The following WWOX variants were observed in gnomAD, a reference collection of about 807,000 sequenced individuals.
The protein encoded by WWOX is WW domain containing oxidoreductase.
In WWOX, 69 loss-of-function variants were observed where a neutral mutation model predicts 46.2. That is an observed-to-expected ratio of 1.49 (90% CI 1.23 to 1.82). The LOEUF is 1.82. Among genes scored for constraint, WWOX ranks in the 40% most tolerant of loss-of-function variants. WWOX has a pLI of 0.00. For synonymous variants in WWOX, 359 were observed against 202.6 expected, an observed-to-expected ratio of 1.77 and a Z score of -6.56; for missense variants, 919 against 542.6, an observed-to-expected ratio of 1.69 and a Z score of -6.89.
At chr16:78,118,756 T>G (rs1216719371) in intron 4 of WWOX, among the ~76,000 whole-genome samples, 1 of 152,144 alleles carries the variant, frequency 6.6e-6, no homozygotes, top group Non-Finnish European at 1.5e-5. Context: ...ACCCTAACAT[T>G]CTCTAAATTA....
intron 8 of WWOX, among the ~76,000 whole-genome samples, chr16:78,446,490 G>A (rs1691743881): frequency 6.6e-6 from 1 of 151,942 alleles, no homozygotes; most frequent in Admixed American, 6.6e-5. Flanking sequence ...TCACATCCCA[G>A]GAACTCCGTA....
At chr16:79,145,513 T>C (rs1043224066) in intron 8 of WWOX, among the ~76,000 whole-genome samples, 14 of 152,190 alleles carry the variant, frequency 9.2e-5, no homozygotes, top group African/African-American at 3.1e-4. Context: ...ACAAATATTA[T>C]TCCAAACTGT....
intron 8 of WWOX, among the ~76,000 whole-genome samples, chr16:78,884,658 A>G (rs2044415679): frequency 6.6e-6 from 1 of 152,194 alleles, no homozygotes; most frequent in South Asian, 2.1e-4. Flanking sequence ...TTCCTATTAG[A>G]AGTCAGGGTA....
intron 8 of WWOX, chr16:79,203,596 A>C (rs1052820850): frequency 6.6e-6 from 1 of 151,928 alleles, no homozygotes; most frequent in Non-Finnish European, 1.5e-5. Flanking sequence ...ATCTAAACAA[A>C]CAGCTTGTTT....
At chr16:78,889,515 A>G (rs1567628893) in intron 8 of WWOX, among the ~76,000 whole-genome samples, 1 of 151,998 alleles carries the variant, frequency 6.6e-6, no homozygotes, top group Non-Finnish European at 1.5e-5. Flanking sequence ...AATATAATGT[A>G]TTTTAGTGCT....
intron 8 of WWOX, among the ~76,000 whole-genome samples, chr16:78,766,961 C>G (rs567825240): frequency 9.6e-4 from 146 of 152,276 alleles, no homozygotes; most frequent in Non-Finnish European, 1.2e-3. Context: ...CTTGTGGTCT[C>G]TGGTAACCCC....
At chr16:79,107,031 G>A (rs976095445) in intron 8 of WWOX, among the ~76,000 whole-genome samples, 10 of 151,916 alleles carry the variant, frequency 6.6e-5, no homozygotes, top group South Asian at 4.2e-4. Context: ...GGCTGGTCTC[G>A]ATCTCCTGAC....
intron 8 of WWOX, among the ~76,000 whole-genome samples, chr16:78,678,362 C>A (rs543322714): frequency 6.6e-6 from 1 of 152,220 alleles, no homozygotes; most frequent in South Asian, 2.1e-4. Context: ...GGCAACAGAG[C>A]GAGACCTTCT....
intron 8 of WWOX, among the ~76,000 whole-genome samples, chr16:78,627,562 G>C (rs1199670118): frequency 3.3e-5 from 5 of 152,106 alleles, no homozygotes; most frequent in Admixed American, 6.5e-5. Flanking sequence ...GGAAATCTTT[G>C]TAAAATCACA....
At chr16:78,405,045 C>T (rs918356783) in intron 6 of WWOX, among the ~76,000 whole-genome samples, 15 of 152,132 alleles carry the variant, frequency 9.9e-5, no homozygotes, top group African/African-American at 3.6e-4. Context: ...TATTTACAAT[C>T]AATGAGATTG....
At chr16:78,508,678 A>G (rs868318923) in intron 8 of WWOX, among the ~76,000 whole-genome samples, 1 of 152,194 alleles carries the variant, frequency 6.6e-6, no homozygotes, top group Non-Finnish European at 1.5e-5. Context: ...CTCCATTTCA[A>G]AGCAACAGAA....
At chr16:79,192,044 G>C (rs1597461794) in intron 8 of WWOX, among the ~76,000 whole-genome samples, 1 of 152,204 alleles carries the variant, frequency 6.6e-6, no homozygotes. Flanking sequence ...TCGCGTTAGA[G>C]ACAATTTTCT....
intron 8 of WWOX, among the ~76,000 whole-genome samples, chr16:78,605,397 A>T (rs2045731134): frequency 6.6e-6 from 1 of 151,758 alleles, no homozygotes; most frequent in African/African-American, 2.4e-5. Flanking sequence ...ACACAAAGAC[A>T]GGGCTCATGT....
chr16:78,330,512 T>G (rs990952107), intron 5 of WWOX, among the ~76,000 whole-genome samples: 10 of 152,138 alleles, frequency 6.6e-5, no homozygotes, highest in African/African-American at 2.4e-4. Flanking sequence ...TTCTCCTGCC[T>G]CAGCCTCCCG....
chr16:78,105,459 A>C (rs959615304), intron 1 of WWOX, among the ~76,000 whole-genome samples: 27 of 62,566 alleles, frequency 4.3e-4, no homozygotes, highest in Non-Finnish European at 6.7e-4. Flanking sequence ...ACTCTGTCTC[A>C]AAAAAAAAAA....
intron 8 of WWOX, among the ~76,000 whole-genome samples, chr16:78,970,904 T>A (rs997117510): frequency 1.3e-5 from 2 of 152,094 alleles, no homozygotes; most frequent in African/African-American, 2.4e-5. Flanking sequence ...TTTGTTTGCT[T>A]CTGTCTTTTG....
intron 6 of WWOX, among the ~76,000 whole-genome samples, chr16:78,414,264 C>G (rs1360328389): frequency 6.6e-6 from 1 of 152,184 alleles, no homozygotes; most frequent in African/African-American, 2.4e-5. Flanking sequence ...TGCCTGCACT[C>G]AGGTGATTAA....
intron 8 of WWOX, among the ~76,000 whole-genome samples, chr16:79,072,957 A>G (rs2048579461): frequency 6.6e-6 from 1 of 152,102 alleles, no homozygotes; most frequent in Non-Finnish European, 1.5e-5. Flanking sequence ...ACTCCGGGTC[A>G]TTGACAAACG....
At chr16:78,373,188 C>A (rs997382916) in intron 5 of WWOX, among the ~76,000 whole-genome samples, 1 of 152,134 alleles carries the variant, frequency 6.6e-6, no homozygotes, top group Admixed American at 6.5e-5. Flanking sequence ...TTCCCTAGAG[C>A]TTCAGACTCA....
Sources: gnomAD v4.1 joint callset for allele counts (sites outside exome capture counted in the v4.1 genomes callset) on GRCh38, gnomAD v4.1.1 for gene constraint, MANE v1.5 for transcripts, NCBI Gene and HGNC (gene_info 2026-07-23, HGNC 2026-07-21) for gene names.